The following MTCH1 variants were observed in gnomAD, a reference collection of about 807,000 sequenced individuals.
MTCH1 encodes the protein mitochondrial carrier 1, also known as mitochondrial carrier homolog 1.
A neutral mutation model predicts 49.3 loss-of-function variants in MTCH1; 23 were observed. The observed-to-expected ratio is 0.47, with a 90% confidence interval of 0.34 to 0.66. The LOEUF is 0.66. MTCH1 is among the 30% of genes least tolerant of loss of function. The pLI, the probability that MTCH1 is intolerant of heterozygous loss-of-function variation, is 0.01. For synonymous variants in MTCH1, 229 were observed against 215.2 expected, an observed-to-expected ratio of 1.06 and a Z score of -0.56; for missense variants, 397 against 532.1, an observed-to-expected ratio of 0.75 and a Z score of 2.50.
rs1403330641 is a variant in MTCH1 at position 36,977,165 on chromosome 6, C to T, written c.701+34G>A. ...GCCCTGGCCGACTCTGAAAGGGTAA[C>T]AGGGCCACTCTGCCAGTCCCAAGAG... On this transcript the variant is annotated intron_variant, in intron 6 of 11. Coordinates refer to ENST00000373627, the MANE Select transcript of MTCH1 (RefSeq NM_001271641.2). The surrounding 1 kb of genome is among the most constrained non-coding windows in gnomAD (Gnocchi z 5.4). 3 of 1,611,866 alleles carry T rather than the reference C, an allele frequency of 1.9e-6. No individual in the cohort carries two copies. The highest frequency in any genetic ancestry group is 2.2e-5 in the South Asian group (2 of 91,044).
At chr6:36,974,020 T>G (rs1419170057) in intron 7 of MTCH1, among the ~76,000 whole-genome samples, 2 of 152,212 alleles carry the variant, frequency 1.3e-5, no homozygotes, top group East Asian at 1.9e-4. Context: ...GTTTTTTGAC[T>G]TGCTGTTTTA....
rs550114517 is a variant in MTCH1 at position 36,982,525 on chromosome 6, A to C, written c.322-853T>G. ...ACCCCAGCCTCCCAAGTAGCTGGGA[A>C]TACAAGCACCCGCCACCATACCCGG... On this transcript the variant is annotated intron_variant, in intron 1 of 11. Transcript: ENST00000373627. The surrounding 1 kb of genome is among the most constrained non-coding windows in gnomAD (Gnocchi z 4.1). Among the ~76,000 whole-genome samples, 2 of 152,020 alleles carry C rather than the reference A, an allele frequency of 1.3e-5. No homozygotes were observed. The highest frequency in any genetic ancestry group is 4.2e-4 in the South Asian group (2 of 4,796).
chr6:36,970,714 G>A lies in MTCH1; in HGVS notation c.907-20C>T, dbSNP rs1186435587. ...GCTGAACTGAGGAGACAGAAGGGAAGAGTGGTTTGCCACAGGCACCTCAGG... is the reference window on the plus strand; with the variant it reads ...GCTGAACTGAGGAGACAGAAGGGAAAAGTGGTTTGCCACAGGCACCTCAGG... On this transcript the variant is annotated intron_variant, in intron 8 of 11. Transcript: ENST00000373627. 1 of 1,613,280 alleles carries A rather than the reference G, an allele frequency of 6.2e-7. No individual in the cohort carries two copies. The highest frequency in any genetic ancestry group is 2.2e-5 in the East Asian group (1 of 44,880).
chr6:36,981,648 TG>T lies in MTCH1; in HGVS notation c.345del (p.Thr116ProfsTer31). 1 of 1,613,442 alleles carries T rather than the reference TG, an allele frequency of 6.2e-7. No individual in the cohort carries two copies. The highest frequency in any genetic ancestry group is 8.5e-7 in the Non-Finnish European group (1 of 1,179,732). On this transcript the variant is annotated frameshift_variant, in exon 2 of 12. Coordinates refer to ENST00000373627, the MANE Select transcript of MTCH1 (RefSeq NM_001271641.2). LOFTEE classifies it high-confidence loss of function. ...LIQVGHEPMP[P>X]TLGTNVLGRK... is the part of the protein sequence containing the mutation. Reference sequence around the variant, plus strand: ...CTCCCCAGCACATTGGTCCCAAGGGTGGGGGGCATCGGCTCATGACCCACCT... The same window carrying T: ...CTCCCCAGCACATTGGTCCCAAGGGTGGGGGCATCGGCTCATGACCCACCT...
chr6:36,981,457 TC>T, intron 2 of MTCH1, 130 bp downstream of exon 2: 1 of 768,096 alleles, frequency 1.3e-6, no homozygotes, highest in East Asian at 2.8e-5. Context: ...CACGCTTAGA[TC>T]CCCTCCTCCA....
intron 1 of MTCH1, among the ~76,000 whole-genome samples, chr6:36,985,274 T>C (rs1253433753): frequency 6.6e-6 from 1 of 151,926 alleles, no homozygotes; most frequent in Non-Finnish European, 1.5e-5. Context: ...GGTGTCCTTC[T>C]TTCCCTCCTA....
chr6:36,973,948 A>G (rs1283310462), intron 7 of MTCH1, among the ~76,000 whole-genome samples: 1 of 152,228 alleles, frequency 6.6e-6, no homozygotes, highest in Non-Finnish European at 1.5e-5. Flanking sequence ...GCACATACTG[A>G]AAAGACTATG....
intron 2 of MTCH1, among the ~76,000 whole-genome samples, chr6:36,979,241 A>G (rs1288954893): frequency 6.6e-6 from 1 of 152,188 alleles, no homozygotes; most frequent in Admixed American, 6.5e-5. Flanking sequence ...AGAAGTAACT[A>G]AAACAGGAGC....
chr6:36,976,049 T>G (rs977959185), intron 6 of MTCH1, among the ~76,000 whole-genome samples: 1 of 152,144 alleles, frequency 6.6e-6, no homozygotes, highest in Non-Finnish European at 1.5e-5. Flanking sequence ...GGCCCTTCTC[T>G]TACCCGGCCC....
In MTCH1 at chr6:36,972,567, G is replaced by T; in HGVS notation, c.906+85C>A. 6.9e-7 allele frequency: 1 copy of T among 1,454,624 alleles called. No homozygotes were observed. Among genetic ancestry groups the T allele is most frequent in the Non-Finnish European group, 9.2e-7 (1 of 1,082,558 alleles). The allele number at this position is 1,454,624 out of a possible 1,614,324, so 90.1% of individuals were successfully genotyped here. On this transcript the variant is annotated intron_variant, in intron 8 of 11. Transcript: ENST00000373627. The surrounding 1 kb of genome is among the most constrained non-coding windows in gnomAD (Gnocchi z 4.1). ...TCTCTCACCCTCCCGGCCTGATGCTGAGAATCCCAGAATCCTTGAGTTTGT... is the reference window on the plus strand; with the variant it reads ...TCTCTCACCCTCCCGGCCTGATGCTTAGAATCCCAGAATCCTTGAGTTTGT...
chr6:36,972,837 G>A lies in MTCH1; in HGVS notation c.762-41C>T, dbSNP rs1390932900. On this transcript the variant is annotated intron_variant, in intron 7 of 11. Transcript: ENST00000373627. The surrounding 1 kb of genome is among the most constrained non-coding windows in gnomAD (Gnocchi z 4.1). ...AGCAGAGATGAGCAGGAGAGGGAGA[G>A]GAGCAGTTCCTGGGGGCTCCACACC... 15 of 1,515,800 alleles carry A rather than the reference G, an allele frequency of 9.9e-6. No homozygotes were observed. Among genetic ancestry groups the A allele is most frequent in the Non-Finnish European group, 1.3e-5 (15 of 1,119,016 alleles). The allele number at this position is 1,515,800 out of a possible 1,614,324, so 93.9% of individuals were successfully genotyped here. A position where few individuals can be genotyped will look rare whatever the true frequency, so the allele number is the denominator to read the frequency against.
In MTCH1 at chr6:36,968,859, C is replaced by T. The variant is rs368953116; in HGVS notation, c.*44G>A. ...GGTGTCCCAAGGTGGTCAGGCCTCACCCACGGTGGCCAGGTTGAGACCGTG... is the reference window on the plus strand; with the variant it reads ...GGTGTCCCAAGGTGGTCAGGCCTCATCCACGGTGGCCAGGTTGAGACCGTG... On this transcript the variant is annotated 3_prime_UTR_variant, in exon 12 of 12. Transcript: ENST00000373627. 7.4e-6 allele frequency: 12 copies of T among 1,613,166 alleles called. No individual in the cohort carries two copies. In the African/African-American group the frequency reaches 1.5e-4, roughly 20 times the overall value.
At chr6:36,975,245 T>C (rs902279107) in intron 7 of MTCH1, among the ~76,000 whole-genome samples, 1 of 152,254 alleles carries the variant, frequency 6.6e-6, no homozygotes, top group Non-Finnish European at 1.5e-5. Context: ...AGAAAAGCAA[T>C]GTCAAACAGA....
Position 36,972,490 on chromosome 6 carries a change from T to G in MTCH1, c.906+162A>C, listed in dbSNP as rs925826259. 5.3e-5 allele frequency among the ~76,000 whole-genome samples: 8 copies of G among 152,120 alleles called. No homozygotes were observed. The highest frequency in any genetic ancestry group is 1.0e-4 in the Non-Finnish European group (7 of 68,006). The stretch of plus-strand genomic sequence containing the variant: ...GGTACTAATCTGGAATCTCGCCTCT[T>G]GAGGCCGTTCTCCCCTTAGACAAAG... On this transcript the variant is annotated intron_variant, in intron 8 of 11. Transcript: ENST00000373627. This position sits in a 1 kb window ranked among gnomAD's most constrained non-coding sequence, Gnocchi z 4.1.
chr6:36,980,784 G>A (rs960170802), intron 2 of MTCH1, among the ~76,000 whole-genome samples: 1 of 152,206 alleles, frequency 6.6e-6, no homozygotes, highest in Non-Finnish European at 1.5e-5. Flanking sequence ...GGAGAAAAAG[G>A]GCACATTTAA....
At chr6:36,984,674 ACCCACCTAATTCTCACAC>A (rs1764230984) in intron 1 of MTCH1, among the ~76,000 whole-genome samples, 1 of 151,638 alleles carries the variant, frequency 6.6e-6, no homozygotes, top group African/African-American at 2.4e-5. Flanking sequence ...TCCCAGCCAC[ACCCACCTAATTCTCACAC>A]CTCCACACGC....
chr6:36,981,494 G>T, intron 2 of MTCH1, 94 bp downstream of exon 2: 2 of 1,138,382 alleles, frequency 1.8e-6, no homozygotes, highest in Non-Finnish European at 2.6e-6. Context: ...GTGCCATGCT[G>T]CGCAGTGAGT....
rs997829049 is a variant in MTCH1, at chr6:36,969,088, C to T, written c.1099-114G>A. ...GTCCAGGAGCTCAAAGACCCAGCTC[C>T]GGGGTGGACGGCCTCGGCCTACATC... On this transcript the variant is annotated intron_variant, in intron 11 of 11. Transcript: ENST00000373627. 6.4e-5 allele frequency: 95 copies of T among 1,476,164 alleles called. 1 individual carries two copies. The highest frequency in any genetic ancestry group is 1.7e-4 in the East Asian group (7 of 40,960). 91.4% of individuals were successfully genotyped at this position (1,476,164 alleles called of 1,614,324 possible).
intron 2 of MTCH1, among the ~76,000 whole-genome samples, chr6:36,981,326 C>T (rs1431820474): frequency 6.6e-6 from 1 of 152,200 alleles, no homozygotes; most frequent in African/African-American, 2.4e-5. Flanking sequence ...GCTCCTCTCT[C>T]AGGCACCTGT....
Sources: gnomAD v4.1 joint callset for allele counts (sites outside exome capture counted in the v4.1 genomes callset) on GRCh38, gnomAD v4.1.1 for gene constraint, Gnocchi (gnomAD v3.1) non-coding constraint, MANE v1.5 for transcripts, NCBI Gene and HGNC (gene_info 2026-07-23, HGNC 2026-07-21) for gene names.